NBEA: variants seen among roughly 807,000 people sequenced by gnomAD.
NBEA encodes the protein lysosomal-trafficking regulator 2.
In NBEA, 44 loss-of-function variants were observed where a neutral mutation model predicts 343.4. That is an observed-to-expected ratio of 0.13 (90% CI 0.10 to 0.16). NBEA has a LOEUF of 0.16. Ranked by LOEUF, NBEA falls within the 10% of genes least tolerant of loss-of-function variation. NBEA has a pLI of 1.00. For synonymous variants in NBEA, 1,175 were observed against 1,238.7 expected (o/e 0.95, Z 1.08); for missense variants, 2,555 against 3,631.3 (o/e 0.70, Z 7.62).
intron 1 of NBEA, among the ~76,000 whole-genome samples, chr13:35,006,494 T>C (rs750368855): frequency 6.6e-6 from 1 of 152,012 alleles, no homozygotes; most frequent in Non-Finnish European, 1.5e-5. Flanking sequence ...TCATTGTTAT[T>C]GATAAACATA....
chr13:35,228,045 G>C (rs1343070567), intron 33 of NBEA, among the ~76,000 whole-genome samples: 1 of 151,732 alleles, frequency 6.6e-6, no homozygotes, highest in Non-Finnish European at 1.5e-5. Flanking sequence ...GGCAAGATTT[G>C]ATAATAATTA....
chr13:35,590,797 T>C (rs1473602221), intron 46 of NBEA, among the ~76,000 whole-genome samples: 2 of 152,086 alleles, frequency 1.3e-5, no homozygotes, highest in African/African-American at 2.4e-5. Flanking sequence ...GTTCTGAAGA[T>C]AAAACTTTTT....
At chr13:35,189,822 T>C (rs1021599648) in intron 30 of NBEA, among the ~76,000 whole-genome samples, 1 of 152,104 alleles carries the variant, frequency 6.6e-6, no homozygotes, top group Non-Finnish European at 1.5e-5. Context: ...ATCAACTTTT[T>C]CAGTTCTTTG....
intron 38 of NBEA, among the ~76,000 whole-genome samples, chr13:35,394,470 G>A (rs536603392): frequency 3.5e-4 from 53 of 152,066 alleles, no homozygotes; most frequent in Non-Finnish European, 6.5e-4. Flanking sequence ...TTTTTAAGTA[G>A]TTGTAAAGAT....
At chr13:35,305,969 C>T (rs1487586145) in intron 35 of NBEA, among the ~76,000 whole-genome samples, 1 of 152,122 alleles carries the variant, frequency 6.6e-6, no homozygotes, top group Non-Finnish European at 1.5e-5. Flanking sequence ...TGATGTTAAA[C>T]TCTCATATTG....
At chr13:35,620,384 T>C (rs879686061) in intron 48 of NBEA, among the ~76,000 whole-genome samples, 3 of 151,818 alleles carry the variant, frequency 2.0e-5, no homozygotes, top group African/African-American at 2.4e-5. Flanking sequence ...AGTGACTCTC[T>C]TGGGGAAAGA....
At chr13:35,316,471 G>A (rs2037727790) in intron 36 of NBEA, among the ~76,000 whole-genome samples, 1 of 152,176 alleles carries the variant, frequency 6.6e-6, no homozygotes, top group Non-Finnish European at 1.5e-5. Context: ...GTATTCCATG[G>A]TGTATATATG....
rs1355066300 is a variant in NBEA, at chr13:35,487,030, C to A, written c.6585+14494C>A. On this transcript the variant is annotated intron_variant, in intron 41 of 58. Coordinates refer to ENST00000379939, the MANE Select transcript of NBEA (RefSeq NM_001385012.1). Reference sequence around the variant, plus strand: ...TACTTTTCTTTTATAAAGGTTTATCCATATCATAGTTTTACTATGTAATAT... The same window carrying A: ...TACTTTTCTTTTATAAAGGTTTATCAATATCATAGTTTTACTATGTAATAT... 2.0e-5 allele frequency among the ~76,000 whole-genome samples: 3 copies of A among 151,648 alleles called. No individual in the cohort carries two copies. The East Asian group carries it at 5.8e-4, about 29-fold the overall frequency.
At chr13:35,619,071 T>G (rs1008673168) in intron 48 of NBEA, among the ~76,000 whole-genome samples, 2 of 151,432 alleles carry the variant, frequency 1.3e-5, no homozygotes, top group Admixed American at 6.6e-5. Context: ...TTTTTTTAAG[T>G]AGATTATACC....
rs573704182 is a variant in NBEA, at chr13:35,231,264, G to T, written c.5649-1228G>T. On this transcript the variant is annotated intron_variant, in intron 33 of 58. Transcript: ENST00000379939. The stretch of plus-strand genomic sequence containing the variant: ...ACTTGGCTGTTTCCAATTTAGGAAA[G>T]AAGTCATCCGATATTATTCTCTAAT... Among the ~76,000 whole-genome samples, 11 of 152,184 alleles carry T rather than the reference G, an allele frequency of 7.2e-5. No homozygotes were observed. The South Asian group carries it at 1.9e-3, about 26-fold the overall frequency.
At chr13:35,286,092 G>A (rs1243079685) in intron 34 of NBEA, among the ~76,000 whole-genome samples, 2 of 151,938 alleles carry the variant, frequency 1.3e-5, no homozygotes, top group Non-Finnish European at 2.9e-5. Flanking sequence ...TACCCTTCCT[G>A]TGCTTCTCAC....
At chr13:35,637,828 GA>G (rs200193393) in intron 49 of NBEA, among the ~76,000 whole-genome samples, 24,829 of 137,562 alleles carry the variant, frequency 0.18, 2,345 homozygotes, top group East Asian at 0.46. Flanking sequence ...TCTCAAAAAA[GA>G]AAAAAAAAAA....
intron 5 of NBEA, among the ~76,000 whole-genome samples, chr13:35,048,895 A>T (rs1387310191): frequency 6.6e-6 from 1 of 151,828 alleles, no homozygotes; most frequent in Admixed American, 6.6e-5. Flanking sequence ...CATGATTATC[A>T]TTCTTTTCCA....
intron 34 of NBEA, among the ~76,000 whole-genome samples, chr13:35,234,111 G>T (rs1331977256): frequency 6.6e-6 from 1 of 152,134 alleles, no homozygotes; most frequent in Non-Finnish European, 1.5e-5. Flanking sequence ...GAACCAGAAG[G>T]ACAGTAGTCG....
At chr13:35,613,975 G>A (rs938461903) in intron 48 of NBEA, among the ~76,000 whole-genome samples, 11 of 152,262 alleles carry the variant, frequency 7.2e-5, no homozygotes, top group Non-Finnish European at 1.0e-4. Flanking sequence ...TACTAACAGC[G>A]TAGTTGTTCC....
chr13:35,003,735 C>T (rs564146321), intron 1 of NBEA, among the ~76,000 whole-genome samples: 1 of 152,014 alleles, frequency 6.6e-6, no homozygotes, highest in Non-Finnish European at 1.5e-5. Flanking sequence ...TAATTTTTAT[C>T]TCATTTAGAT....
chr13:35,013,266 G>A (rs2061544972), intron 1 of NBEA, among the ~76,000 whole-genome samples: 1 of 152,016 alleles, frequency 6.6e-6, no homozygotes. Context: ...CCAACCCTGA[G>A]AGATATATCT....
intron 8 of NBEA, among the ~76,000 whole-genome samples, chr13:35,062,770 A>G (rs2063512408): frequency 6.6e-6 from 1 of 151,968 alleles, no homozygotes; most frequent in African/African-American, 2.4e-5. Context: ...GTCTTTTGAA[A>G]GAAAATTAAA....
chr13:35,452,008 A>G, intron 39 of NBEA, 84 bp from the exon 40 acceptor site: 1 of 933,572 alleles, frequency 1.1e-6, no homozygotes, highest in African/African-American at 1.7e-5. Flanking sequence ...ATATAATTTA[A>G]TAAAGCAATC....
Sources: gnomAD v4.1 joint callset for allele counts (sites outside exome capture counted in the v4.1 genomes callset) on GRCh38, gnomAD v4.1.1 for gene constraint, MANE v1.5 for transcripts, NCBI Gene and HGNC (gene_info 2026-07-23, HGNC 2026-07-21) for gene names.